Variants in JAK1 observed in about 807,000 individuals in gnomAD.
JAK1 encodes the protein tyrosine-protein kinase JAK1.
A neutral mutation model predicts 136.6 loss-of-function variants in JAK1; 16 were observed. The observed-to-expected ratio is 0.12, with a 90% CI of 0.08 to 0.18. The LOEUF (loss-of-function observed/expected upper bound fraction) is 0.18, where lower values mean the gene tolerates loss of function less well. Among genes scored for constraint, JAK1 ranks in the 10% least tolerant of loss-of-function variants. The probability of loss-of-function intolerance (pLI) is 1.00; values close to 1 mark genes in which losing one functional copy is unlikely to be tolerated. For synonymous variants in JAK1, 492 were observed against 519.5 expected (o/e 0.95, Z 0.72); for missense variants, 859 against 1,450.1 (o/e 0.59, Z 6.62).
intron 18 of JAK1, 39 bp from the exon 19 acceptor site, chr1:64,841,378 G>A (rs1381638414): frequency 1.7e-5 from 28 of 1,607,684 alleles, no homozygotes; most frequent in African/African-American, 2.7e-5. Context: ...AAAGGCAGTC[G>A]ATTGCCAGGG....
intron 1 of JAK1, among the ~76,000 whole-genome samples, chr1:64,911,196 G>T (rs1349497293): frequency 6.6e-6 from 1 of 152,180 alleles, no homozygotes; most frequent in Non-Finnish European, 1.5e-5. Context: ...TTTGGTGAGG[G>T]ATTTGGGGCC....
At chr1:64,988,543 A>C (rs537779477) in intron 2 of JAK1, among the ~76,000 whole-genome samples, 154 of 152,202 alleles carry the variant, frequency 1.0e-3, no homozygotes, top group Non-Finnish European at 1.8e-3. Flanking sequence ...CTCTGGAAAA[A>C]AGTCAGAGGC....
chr1:64,989,861 A>T (rs1294386752), intron 2 of JAK1: 4 of 152,268 alleles, frequency 2.6e-5, no homozygotes, highest in Non-Finnish European at 5.9e-5. Flanking sequence ...TTCAGGTTTC[A>T]TCACAGCTGA....
At chr1:64,916,531 G>C (rs1645398705) in intron 1 of JAK1, among the ~76,000 whole-genome samples, 1 of 152,096 alleles carries the variant, frequency 6.6e-6, no homozygotes, top group Admixed American at 6.6e-5. Context: ...AAGCTAAAAA[G>C]GTTGGAAGAT....
chr1:64,845,669 A>T, intron 14 of JAK1, 29 bp from the exon 15 acceptor site: 2 of 1,614,054 alleles, frequency 1.2e-6, no homozygotes, highest in Non-Finnish European at 1.7e-6. Context: ...CCATGTCTGG[A>T]ACCTGGTCTG....
intron 1 of JAK1, among the ~76,000 whole-genome samples, chr1:64,904,138 G>T (rs1645155350): frequency 6.6e-6 from 1 of 152,110 alleles, no homozygotes; most frequent in South Asian, 2.1e-4. Context: ...CTTTAATATA[G>T]AAACAGATAT....
At chr1:64,840,145 C>T (rs1181611743) in intron 19 of JAK1, among the ~76,000 whole-genome samples, 3 of 152,222 alleles carry the variant, frequency 2.0e-5, no homozygotes, top group Non-Finnish European at 4.4e-5. Flanking sequence ...GGACAGGCCC[C>T]ACAGCATGGC....
At chr1:64,958,129 C>T (rs1021928928) in intron 1 of JAK1, among the ~76,000 whole-genome samples, 1 of 152,210 alleles carries the variant, frequency 6.6e-6, no homozygotes, top group African/African-American at 2.4e-5. Context: ...GTGAGATCTA[C>T]AGAGAGTTGC....
intron 2 of JAK1, chr1:64,973,247 AAGAAAG>A (rs978313990): frequency 2.0e-5 from 3 of 148,802 alleles, no homozygotes; most frequent in Admixed American, 6.7e-5. Flanking sequence ...AAGAAGGAGA[AAGAAAG>A]AGAGAAAGAA....
intron 1 of JAK1, among the ~76,000 whole-genome samples, chr1:65,063,804 CAAA>C (rs370192253): frequency 2.5e-5 from 2 of 81,348 alleles, no homozygotes; most frequent in Non-Finnish European, 5.4e-5. Context: ...GACTCTATCT[CAAA>C]AAAAAAAAAA....
At chr1:64,915,089 T>C (rs1258432433) in intron 1 of JAK1, among the ~76,000 whole-genome samples, 3 of 152,162 alleles carry the variant, frequency 2.0e-5, no homozygotes, top group Admixed American at 6.5e-5. Flanking sequence ...AATAACCACA[T>C]ATATACCTTA....
chr1:64,864,044 T>C (rs1285261853), intron 8 of JAK1, among the ~76,000 whole-genome samples: 2 of 152,224 alleles, frequency 1.3e-5, no homozygotes, highest in Admixed American at 6.5e-5. Flanking sequence ...AGAGAGTGAC[T>C]GTCTGCCCTA....
chr1:64,843,547 T>C (rs1189495553), intron 17 of JAK1, among the ~76,000 whole-genome samples: 1 of 152,150 alleles, frequency 6.6e-6, no homozygotes, highest in Admixed American at 6.5e-5. Context: ...GCAGGGCTCT[T>C]AGGGTGACAC....
chr1:65,017,248 C>T (rs897893473), intron 2 of JAK1, among the ~76,000 whole-genome samples: 7 of 152,096 alleles, frequency 4.6e-5, no homozygotes, highest in Non-Finnish European at 8.8e-5. Context: ...GCAGGTGAAC[C>T]ACCTGAGCTC....
rs1449859282 is a variant in JAK1 at position 65,020,989 on chromosome 1, T to G, written c.-78+23491A>C. Among the ~76,000 whole-genome samples the G allele has an allele frequency of 2.6e-5, 4 of 152,094 alleles. No individual in the cohort carries two copies. The East Asian group carries it at 7.7e-4, about 29-fold the overall frequency. On this transcript the variant is annotated intron_variant, in intron 2 of 25. Coordinates refer to the JAK1 transcript ENST00000671954. ...ACCTCTAGTGGAAAGACAGAGCCAGTCCACACCACAGTGACCGCATACAAA... is the reference window on the plus strand; with the variant it reads ...ACCTCTAGTGGAAAGACAGAGCCAGGCCACACCACAGTGACCGCATACAAA...
At position 64,838,169 on chromosome 1, in the gene JAK1, T is replaced by C. The variant is rs1654612292; in HGVS notation, c.2968-65A>G. ...CACTTTAGATTGTATTATCTATCACTTCATCAGAAAAAATAGAAATGTCAT... is the reference window on the plus strand; with the variant it reads ...CACTTTAGATTGTATTATCTATCACCTCATCAGAAAAAATAGAAATGTCAT... On this transcript the variant is annotated intron_variant, in intron 21 of 24. Transcript: ENST00000342505. The C allele has an allele frequency of 2.8e-6, 4 of 1,440,380 alleles. No homozygotes were observed. In the African/African-American group the frequency reaches 4.3e-5, roughly 15 times the overall value. 89.2% of individuals were successfully genotyped at this position (1,440,380 alleles called of 1,614,324 possible).
intron 2 of JAK1, among the ~76,000 whole-genome samples, chr1:64,976,470 G>A (rs905868942): frequency 1.3e-5 from 2 of 152,136 alleles, no homozygotes; most frequent in African/African-American, 4.8e-5. Flanking sequence ...TGGTAATTGT[G>A]ACCTCATGGC....
At chr1:64,977,165 G>GTTTC (rs35414864) in intron 2 of JAK1, among the ~76,000 whole-genome samples, 1 of 151,690 alleles carries the variant, frequency 6.6e-6, no homozygotes, top group Non-Finnish European at 1.5e-5. Flanking sequence ...TTGTTTGTTT[G>GTTTC]TTGAGATAGG....
intron 1 of JAK1, among the ~76,000 whole-genome samples, chr1:65,047,172 C>G (rs182465271): frequency 6.6e-6 from 1 of 152,110 alleles, no homozygotes; most frequent in East Asian, 1.9e-4. Flanking sequence ...TGGGTAAAAC[C>G]CTGTCTCCAA....
Sources: gnomAD v4.1 joint callset for allele counts (sites outside exome capture counted in the v4.1 genomes callset) on GRCh38, gnomAD v4.1.1 for gene constraint, MANE v1.5 for transcripts, NCBI Gene and HGNC (gene_info 2026-07-23, HGNC 2026-07-21) for gene names.